The following CSTPP1 variants were observed in gnomAD, a reference collection of about 807,000 sequenced individuals.
The protein encoded by CSTPP1 is centriolar satellite-associated tubulin polyglutamylase complex regulator 1.
At chr11:46,997,357 AG>A in the CSTPP1 span, among the ~76,000 whole-genome samples, 1 of 152,116 alleles carries the variant, frequency 6.6e-6, no homozygotes, top group Non-Finnish European at 1.5e-5. Context: ...CGGCTACTGA[AG>A]CTTGTGTGTG....
the CSTPP1 span, among the ~76,000 whole-genome samples, chr11:46,959,028 C>A: frequency 6.6e-6 from 1 of 152,164 alleles, no homozygotes; most frequent in Non-Finnish European, 1.5e-5. Context: ...TACCAGCTAT[C>A]TGGGCATCCC....
chr11:47,130,975 A>G, the CSTPP1 span, among the ~76,000 whole-genome samples: 1 of 152,132 alleles, frequency 6.6e-6, no homozygotes, highest in Non-Finnish European at 1.5e-5. Context: ...AACAAACTAG[A>G]GGCTGTTCAG....
the CSTPP1 span, among the ~76,000 whole-genome samples, chr11:47,143,983 G>T: frequency 6.6e-6 from 1 of 152,156 alleles, no homozygotes; most frequent in Non-Finnish European, 1.5e-5. Context: ...AGGCCCCATG[G>T]CATTAGAAAG....
chr11:47,018,825 CTT>C, the CSTPP1 span, among the ~76,000 whole-genome samples: 1 of 152,146 alleles, frequency 6.6e-6, no homozygotes, highest in Non-Finnish European at 1.5e-5. Flanking sequence ...CACATATCCT[CTT>C]TGGTGAAGTG....
the CSTPP1 span, among the ~76,000 whole-genome samples, chr11:47,001,038 A>G: frequency 1.3e-5 from 2 of 152,250 alleles, no homozygotes; most frequent in Non-Finnish European, 2.9e-5. Flanking sequence ...TGGACAGGGA[A>G]GTCCTCTTGG....
At chr11:47,033,101 G>C in the CSTPP1 span, among the ~76,000 whole-genome samples, 1 of 152,202 alleles carries the variant, frequency 6.6e-6, no homozygotes, top group East Asian at 1.9e-4. Flanking sequence ...TTAAGTGGCT[G>C]AGGAAGAGAA....
the CSTPP1 span, among the ~76,000 whole-genome samples, chr11:47,130,085 C>T: frequency 6.6e-6 from 1 of 152,168 alleles, no homozygotes; most frequent in Admixed American, 6.6e-5. Context: ...GGTGAAACCC[C>T]ATCTCTACTA....
chr11:47,069,412 T>G, the CSTPP1 span, among the ~76,000 whole-genome samples: 1 of 152,204 alleles, frequency 6.6e-6, no homozygotes, highest in Non-Finnish European at 1.5e-5. Context: ...GTAATTGTAG[T>G]AGTTAAGGCA....
chr11:47,038,202 A>G, the CSTPP1 span, among the ~76,000 whole-genome samples: 604 of 28,822 alleles, frequency 0.021, no homozygotes, highest in East Asian at 0.024. Context: ...GGGCAGAGGG[A>G]CTCCTCACTT....
the CSTPP1 span, chr11:47,042,071 G>A: frequency 6.1e-6 from 1 of 163,800 alleles, no homozygotes; most frequent in Admixed American, 7.5e-5. Context: ...GCATGATTGT[G>A]TGTGCTTGTA....
chr11:47,119,472 A>G, the CSTPP1 span, among the ~76,000 whole-genome samples: 4 of 152,216 alleles, frequency 2.6e-5, no homozygotes, highest in South Asian at 6.2e-4. Flanking sequence ...CCACTGTCCA[A>G]TGAGTCCCAG....
the CSTPP1 span, among the ~76,000 whole-genome samples, chr11:47,099,247 T>C: frequency 6.6e-6 from 1 of 152,194 alleles, no homozygotes; most frequent in Non-Finnish European, 1.5e-5. Flanking sequence ...TGATACTACC[T>C]CTGGAAAAAA....
the CSTPP1 span, among the ~76,000 whole-genome samples, chr11:47,010,997 C>A: frequency 6.6e-6 from 1 of 152,126 alleles, no homozygotes; most frequent in African/African-American, 2.4e-5. Context: ...TCAGTAGTTG[C>A]TTGAGTGCTG....
chr11:47,045,997 G>A, the CSTPP1 span, among the ~76,000 whole-genome samples: 1 of 152,050 alleles, frequency 6.6e-6, no homozygotes, highest in Admixed American at 6.6e-5. Flanking sequence ...ATGTTGGCCA[G>A]GCTGGTCTTG....
the CSTPP1 span, among the ~76,000 whole-genome samples, chr11:47,008,111 G>A: frequency 1.3e-5 from 2 of 152,092 alleles, no homozygotes; most frequent in African/African-American, 4.8e-5. Flanking sequence ...GGGATTACAG[G>A]CCTGCGCCAC....
At chr11:47,003,021 A>G in the CSTPP1 span, among the ~76,000 whole-genome samples, 1 of 152,194 alleles carries the variant, frequency 6.6e-6, no homozygotes, top group African/African-American at 2.4e-5. Context: ...TCAAAAGTTA[A>G]GAAACTAGGC....
chr11:47,026,858 A>G, the CSTPP1 span, among the ~76,000 whole-genome samples: 1 of 152,218 alleles, frequency 6.6e-6, no homozygotes, highest in African/African-American at 2.4e-5. Flanking sequence ...AGCCTGGATG[A>G]CAGAGGAAGA....
the CSTPP1 span, among the ~76,000 whole-genome samples, chr11:47,017,009 A>AT: frequency 6.8e-3 from 919 of 134,612 alleles, 6 homozygotes; most frequent in African/African-American, 0.019. Context: ...CGCCTGGCTA[A>AT]TTTTTTTTTT....
At chr11:47,053,310 T>A in the CSTPP1 span, among the ~76,000 whole-genome samples, 3 of 152,122 alleles carry the variant, frequency 2.0e-5, no homozygotes, top group Non-Finnish European at 4.4e-5. Context: ...TGCTGAAAGA[T>A]CATTTTTTAG....
Sources: gnomAD v4.1 joint callset for allele counts (sites outside exome capture counted in the v4.1 genomes callset) on GRCh38, gnomAD v4.1.1 for gene constraint, MANE v1.5 for transcripts, NCBI Gene and HGNC (gene_info 2026-07-23, HGNC 2026-07-21) for gene names.